HERC2: variants seen among roughly 807,000 people sequenced by gnomAD.
HERC2 encodes the protein HECT and RLD domain containing E3 ubiquitin protein ligase 2.
HERC2 carries 102 observed loss-of-function variants against 537.7 expected under a neutral mutation model. The observed-to-expected ratio is 0.19, with a 90% CI of 0.16 to 0.22. The LOEUF (loss-of-function observed/expected upper bound fraction) is 0.22. HERC2 is among the 10% of genes least tolerant of loss of function. HERC2 has a pLI of 1.00. For synonymous variants in HERC2, 2,224 were observed against 2,466.2 expected (o/e 0.90, Z 2.91); for missense variants, 4,236 against 6,198.2 (o/e 0.68, Z 10.63).
At chr15:28,214,915 C>T (rs1206305393) in intron 39 of HERC2, 113 bp from the exon 40 acceptor site, 11 of 858,776 alleles carry the variant, frequency 1.3e-5, no homozygotes, top group Admixed American at 5.1e-5. Flanking sequence ...CACTGTCACC[C>T]GGGCTGGAGT....
At chr15:28,180,057 C>T (rs1895681060) in intron 57 of HERC2, among the ~76,000 whole-genome samples, 1 of 152,240 alleles carries the variant, frequency 6.6e-6, no homozygotes, top group African/African-American at 2.4e-5. Context: ...CCTTCACGTT[C>T]ACTCACCACT....
Position 28,275,004 on chromosome 15 carries a change from A to G in HERC2, c.544T>C (p.Ser182Pro), listed in dbSNP as rs767774120. 6.9e-6 allele frequency: 11 copies of G among 1,600,636 alleles called. No individual in the cohort carries two copies. The highest frequency in any genetic ancestry group is 5.5e-5 in the South Asian group (5 of 90,988). The change falls in exon 6 of 93, where the codon TCC becomes CCC. Residue 182 changes from serine to proline, a missense_variant and splice_region_variant. By Grantham distance (74) the Ser-to-Pro change is moderately conservative. Transcript: ENST00000261609. ...ISLPPVDKKSSRPAGKGVEGL... is the reference protein window; with the variant it reads ...ISLPPVDKKSPRPAGKGVEGL... ...TCCACACCTTTGCCCGCAGGCCGGGAACTGCAGACGACACACACGGAACAT... is the reference window on the plus strand; with the variant it reads ...TCCACACCTTTGCCCGCAGGCCGGGGACTGCAGACGACACACACGGAACAT...
At chr15:28,293,748 C>T (rs576279086) in intron 3 of HERC2, among the ~76,000 whole-genome samples, 1 of 152,228 alleles carries the variant, frequency 6.6e-6, no homozygotes, top group African/African-American at 2.4e-5. Context: ...ACTCCACTGC[C>T]AACTGGGAAG....
chr15:28,157,574 T>A (rs551161141), intron 69 of HERC2, among the ~76,000 whole-genome samples: 1 of 152,374 alleles, frequency 6.6e-6, no homozygotes, highest in African/African-American at 2.4e-5. Context: ...TGTACTTCTA[T>A]GGAATCAGTG....
In HERC2 at chr15:28,228,109, C is replaced by G. The variant is rs1463057922; in HGVS notation, c.5464+109G>C. Reference sequence around the variant, plus strand: ...TGGTACACTTCCTATTTGTGTCTTACCATAATTTACAAAAAGCTTTAAAAA... The same window carrying G: ...TGGTACACTTCCTATTTGTGTCTTAGCATAATTTACAAAAAGCTTTAAAAA... On this transcript the variant is annotated intron_variant, in intron 35 of 92. Transcript: ENST00000261609. The G allele has an allele frequency of 7.2e-6, 7 of 966,228 alleles. No homozygotes were observed. In the East Asian group the frequency reaches 1.8e-4, roughly 25 times the overall value. 59.9% of individuals were successfully genotyped at this position (966,228 alleles called of 1,614,324 possible). A position where few individuals can be genotyped will look rare whatever the true frequency, so the allele number is the denominator to read the frequency against.
rs377201728 is a variant in HERC2, at chr15:28,169,527, C to T, written c.10186G>A (p.Ala3396Thr). The T allele has an allele frequency of 6.2e-7, 1 of 1,611,810 alleles. No homozygotes were observed. Reference sequence around the variant, plus strand: ...AATGCTGTAAGAATATGTGATAAGGCCTGCTGTTTGGCCAGATTTCCATCC... The same window carrying T: ...AATGCTGTAAGAATATGTGATAAGGTCTGCTGTTTGGCCAGATTTCCATCC... ...SLDGNLAKQQ[A>T]LSHILTALQI... The change falls in exon 66 of 93, where the codon GCC becomes ACC. Residue 3396 changes from alanine (A) to threonine (T), a missense_variant. Transcript: ENST00000261609.
At chr15:28,280,352 G>A in intron 4 of HERC2, 65 bp from the exon 5 acceptor site, 1 of 1,319,556 alleles carries the variant, frequency 7.6e-7, no homozygotes, top group Non-Finnish European at 1.1e-6. Flanking sequence ...TTGCAATGTT[G>A]AGAAAATGGA....
At chr15:28,117,580 C>G in intron 86 of HERC2, 2 of 472,782 alleles carry the variant, frequency 4.2e-6, no homozygotes, top group Non-Finnish European at 8.4e-6. Flanking sequence ...GCAGCTCCCC[C>G]AGCAGACCAG....
At chr15:28,193,890 AAG>A (rs1380879477) in intron 52 of HERC2, among the ~76,000 whole-genome samples, 11 of 152,306 alleles carry the variant, frequency 7.2e-5, no homozygotes, top group African/African-American at 2.6e-4. Flanking sequence ...GTAACCCACA[AAG>A]ACACATTTTT....
intron 10 of HERC2, among the ~76,000 whole-genome samples, chr15:28,270,250 TAG>T (rs1034000210): frequency 1.3e-5 from 2 of 151,082 alleles, no homozygotes; most frequent in Non-Finnish European, 2.9e-5. Context: ...TATTTATAGA[TAG>T]ATAGATAGAT....
At chr15:28,222,714 G>C (rs1900655798) in intron 35 of HERC2, among the ~76,000 whole-genome samples, 1 of 152,132 alleles carries the variant, frequency 6.6e-6, no homozygotes, top group South Asian at 2.1e-4. Flanking sequence ...CATTCCCTAG[G>C]TAGTAGGTGT....
intron 65 of HERC2, 124 bp from the exon 66 acceptor site, chr15:28,169,779 C>T: frequency 1.2e-6 from 1 of 847,238 alleles, no homozygotes; most frequent in South Asian, 1.9e-5. Flanking sequence ...TTTCACAAAG[C>T]ACCTATCAGG....
chr15:28,183,638 T>A (rs894803055), intron 56 of HERC2, among the ~76,000 whole-genome samples: 1 of 152,256 alleles, frequency 6.6e-6, no homozygotes, highest in African/African-American at 2.4e-5. Context: ...TTGCTGCTTC[T>A]GTGTTTGGGG....
rs200667217 is a variant in HERC2 at position 28,274,949 on chromosome 15, G to A, written c.599C>T (p.Ala200Val). Residue 200 changes from alanine to valine, a missense_variant, in exon 6 of 93, where the codon GCG (alanine) becomes GTG (valine). Physicochemically the swap from Ala to Val is moderately conservative, Grantham distance 64. This residue lies in a region of HERC2 where 491 missense variants were observed against 559.3 expected (regional missense o/e 0.88). Transcript: ENST00000261609. ...EGLARVGSRA[A>V]LSFAFAFLRR... ...CAGGAAGGCAAAGGCAAAAGACAGCGCCGCTCGGGATCCCACTCTGGCGAG... is the reference window on the plus strand; with the variant it reads ...CAGGAAGGCAAAGGCAAAAGACAGCACCGCTCGGGATCCCACTCTGGCGAG... The A allele has an allele frequency of 6.8e-6, 11 of 1,610,608 alleles. No homozygotes were observed. Among genetic ancestry groups the A allele is most frequent in the Admixed American group, 3.3e-5 (2 of 60,024 alleles).
At chr15:28,162,133 C>G (rs982531952) in intron 69 of HERC2, among the ~76,000 whole-genome samples, 1 of 151,998 alleles carries the variant, frequency 6.6e-6, no homozygotes, top group African/African-American at 2.4e-5. Context: ...AGTTCCAGAC[C>G]AGCCGGGCCA....
chr15:28,248,500 A>C (rs1477512823), intron 21 of HERC2, 52 bp downstream of exon 21: 1 of 1,427,090 alleles, frequency 7.0e-7, no homozygotes, highest in Admixed American at 1.7e-5. Flanking sequence ...AAAAGCCTAA[A>C]GTAACGAGCC....
chr15:28,288,479 A>C (rs1229272876), intron 4 of HERC2, among the ~76,000 whole-genome samples: 1 of 128,488 alleles, frequency 7.8e-6, no homozygotes, highest in East Asian at 2.4e-4. Context: ...GTGAGCCAAG[A>C]TCATGCCATT....
intron 83 of HERC2, among the ~76,000 whole-genome samples, chr15:28,128,897 A>G (rs1889795479): frequency 6.6e-6 from 1 of 152,114 alleles, no homozygotes; most frequent in South Asian, 2.1e-4. Flanking sequence ...CCCATTCCCC[A>G]GCCCTGTTCC....
Position 28,272,266 on chromosome 15 carries a change from G to A in HERC2, c.1032C>T (p.Phe344=). Residue 344 remains phenylalanine, a synonymous_variant, in exon 9 of 93, where the codon TTC becomes TTT. Transcript: ENST00000261609. ...CATCCTTCCTGCAAATGATGCTCTG[G>A]AACCTTTGCAGCAAGGGCAAAAGTG... ...SAPLLPLLQR[F]QSIICRKDAP... The A allele has an allele frequency of 3.7e-6, 6 of 1,612,060 alleles. No individual in the cohort carries two copies. Among genetic ancestry groups the A allele is most frequent in the Non-Finnish European group, 5.1e-6 (6 of 1,179,256 alleles).
Sources: allele counts gnomAD v4.1 joint callset (sites outside exome capture counted in the v4.1 genomes callset), GRCh38; gene constraint gnomAD v4.1.1; regional missense constraint gnomAD v4.1.1; transcripts MANE v1.5; gene names NCBI Gene and HGNC (gene_info 2026-07-23, HGNC 2026-07-21).